Variants in SV2C observed in about 807,000 individuals in gnomAD.
The protein encoded by SV2C is synaptic vesicle glycoprotein 2C.
A neutral mutation model predicts 79.7 loss-of-function variants in SV2C; 49 were observed. The observed-to-expected ratio is 0.61, with a 90% confidence interval of 0.49 to 0.78. The LOEUF (loss-of-function observed/expected upper bound fraction) is 0.78. Among genes scored for constraint, SV2C ranks in the 30% least tolerant of loss-of-function variants. SV2C has a pLI of 0.00. For missense variants in SV2C, 833 were observed against 912.9 expected, an observed-to-expected ratio of 0.91 and a Z score of 1.13; for synonymous variants, 334 against 333.2, an observed-to-expected ratio of 1.00 and a Z score of -0.03.
At chr5:76,063,602 C>A in the SV2C span, among the ~76,000 whole-genome samples, 4 of 152,270 alleles carry the variant, frequency 2.6e-5, no homozygotes, top group African/African-American at 7.2e-5. Flanking sequence ...CAGGCTTTTA[C>A]TCCTGAGCCT....
the SV2C span, among the ~76,000 whole-genome samples, chr5:75,907,632 GT>G: frequency 1.3e-5 from 2 of 152,164 alleles, no homozygotes; most frequent in Non-Finnish European, 2.9e-5. Context: ...ATAACTGTGG[GT>G]TTGTGCAGAA....
At chr5:76,059,330 A>G in the SV2C span, among the ~76,000 whole-genome samples, 1 of 152,236 alleles carries the variant, frequency 6.6e-6, no homozygotes, top group South Asian at 2.1e-4. Context: ...GATGTTTGAT[A>G]GCATTTTACC....
the SV2C span, among the ~76,000 whole-genome samples, chr5:75,941,481 A>G: frequency 6.6e-6 from 1 of 152,232 alleles, no homozygotes; most frequent in Non-Finnish European, 1.5e-5. Flanking sequence ...GTACAAAAAA[A>G]TCCCCCTTAT....
rs774387223 is a variant in SV2C, at chr5:76,209,798, G to A, written c.824G>A (p.Arg275Gln). ...YFAEVLAREKRGEHLSWLCMF... is the reference protein window; with the variant it reads ...YFAEVLAREKQGEHLSWLCMF... ...GCTGAAGTCCTGGCCCGGGAAAAGC[G>A]GGGCGAACACTTGAGCTGGCTCTGC... Residue 275 changes from arginine (R) to glutamine (Q), a missense_variant, in exon 4 of 13, where the codon CGG (arginine) becomes CAG (glutamine). Physicochemically the swap from Arg to Gln is conservative, Grantham distance 43. Coordinates refer to ENST00000502798, the MANE Select transcript of SV2C (RefSeq NM_014979.4). The A allele has an allele frequency of 8.1e-6, 13 of 1,614,104 alleles. No individual in the cohort carries two copies. Among genetic ancestry groups the A allele is most frequent in the Non-Finnish European group, 1.0e-5 (12 of 1,180,056 alleles).
intron 4 of SV2C, among the ~76,000 whole-genome samples, chr5:76,231,377 T>C (rs59422617): frequency 0.12 from 17,878 of 152,154 alleles, 3,052 homozygotes; most frequent in African/African-American, 0.38. Flanking sequence ...TGTCAATTTA[T>C]GAAAAGATCC....
the SV2C span, among the ~76,000 whole-genome samples, chr5:76,016,819 A>T: frequency 6.6e-6 from 1 of 152,216 alleles, no homozygotes; most frequent in Admixed American, 6.5e-5. Flanking sequence ...CATAATTGCC[A>T]TTATAGAAAA....
At chr5:75,947,066 C>T in the SV2C span, among the ~76,000 whole-genome samples, 1 of 152,148 alleles carries the variant, frequency 6.6e-6, no homozygotes, top group Non-Finnish European at 1.5e-5. Context: ...TCTTGGGTTG[C>T]TCTTGGCTTC....
the SV2C span, among the ~76,000 whole-genome samples, chr5:75,896,828 G>A: frequency 1.3e-5 from 2 of 148,612 alleles, no homozygotes; most frequent in Non-Finnish European, 2.9e-5. Context: ...GTGATGATGA[G>A]CATTTTTTCA....
chr5:76,280,890 G>A (rs546511085), intron 4 of SV2C: 9 of 483,824 alleles, frequency 1.9e-5, no homozygotes, highest in African/African-American at 9.9e-5. Context: ...AAGTTCAGCC[G>A]ACAAGTGAGG....
the SV2C span, among the ~76,000 whole-genome samples, chr5:75,936,907 G>A: frequency 1.3e-5 from 2 of 152,300 alleles, no homozygotes; most frequent in South Asian, 2.1e-4. Flanking sequence ...AGCAGTCCTT[G>A]CTTTGCACAG....
At chr5:76,148,992 G>C (rs1057450920) in intron 2 of SV2C, among the ~76,000 whole-genome samples, 3 of 152,124 alleles carry the variant, frequency 2.0e-5, no homozygotes, top group Non-Finnish European at 4.4e-5. Context: ...GATATTCCAA[G>C]GTCGGGGTAG....
intron 2 of SV2C, among the ~76,000 whole-genome samples, chr5:76,148,539 T>C (rs1026230965): frequency 6.6e-6 from 1 of 152,122 alleles, no homozygotes; most frequent in African/African-American, 2.4e-5. Flanking sequence ...AGCCTCAACC[T>C]CCTGGGCTCA....
At chr5:75,956,162 A>G in the SV2C span, among the ~76,000 whole-genome samples, 1 of 143,622 alleles carries the variant, frequency 7.0e-6, no homozygotes, top group Non-Finnish European at 1.5e-5. Flanking sequence ...TCCAACAATG[A>G]TAGACTGGAT....
chr5:75,921,654 G>A, the SV2C span: 14 of 718,386 alleles, frequency 1.9e-5, no homozygotes, highest in South Asian at 4.3e-5. Context: ...TGGCCAATGC[G>A]GGGGCCCCCT....
the SV2C span, among the ~76,000 whole-genome samples, chr5:75,879,642 T>C: frequency 6.6e-6 from 1 of 152,204 alleles, no homozygotes; most frequent in African/African-American, 2.4e-5. Flanking sequence ...TCTCATGGGT[T>C]GGAGCTGAGT....
At position 76,094,104 on chromosome 5, in the gene SV2C, A is replaced by T. The variant is rs555331987; in HGVS notation, c.-102+10592A>T. 2.0e-5 allele frequency among the ~76,000 whole-genome samples: 3 copies of T among 152,316 alleles called. No homozygotes were observed. The South Asian group carries it at 6.2e-4, about 32-fold the overall frequency. On this transcript the variant is annotated intron_variant, in intron 1 of 12. Coordinates refer to ENST00000502798, the MANE Select transcript of SV2C (RefSeq NM_014979.4). ...TAAAGAAACAAACAAGTAAATAAAT[A>T]AATAAATAAAATGTCTTTGGAGTTT...
At chr5:75,974,973 A>G in the SV2C span, among the ~76,000 whole-genome samples, 1 of 152,156 alleles carries the variant, frequency 6.6e-6, no homozygotes, top group African/African-American at 2.4e-5. Flanking sequence ...TCAAGTCATA[A>G]TAGTCTGCTC....
the SV2C span, among the ~76,000 whole-genome samples, chr5:76,001,376 G>A: frequency 6.6e-6 from 1 of 152,144 alleles, no homozygotes; most frequent in Non-Finnish European, 1.5e-5. Context: ...CGGGGTGGGT[G>A]GATCATGAGG....
chr5:75,981,660 G>A, the SV2C span, among the ~76,000 whole-genome samples: 1 of 152,108 alleles, frequency 6.6e-6, no homozygotes, highest in South Asian at 2.1e-4. Flanking sequence ...AACTGCACTA[G>A]CCATGTGCAG....
Sources: gnomAD v4.1 joint callset for allele counts (sites outside exome capture counted in the v4.1 genomes callset) on GRCh38, gnomAD v4.1.1 for gene constraint, MANE v1.5 for transcripts, NCBI Gene and HGNC (gene_info 2026-07-23, HGNC 2026-07-21) for gene names.